Variants in NINL observed in about 807,000 individuals in gnomAD.
NINL encodes the protein ninein-like protein.
NINL carries 153 observed loss-of-function variants against 160.3 expected under a neutral mutation model. The observed-to-expected ratio is 0.95, with a 90% CI of 0.84 to 1.09. NINL has a LOEUF of 1.09. Ranked by LOEUF, NINL falls within the 50% of genes least tolerant of loss-of-function variation. The pLI is 0.00. For synonymous variants in NINL, 800 were observed against 734.8 expected (o/e 1.09, Z -1.43); for missense variants, 1,829 against 1,764.0 (o/e 1.04, Z -0.66).
chr20:25,496,521 C>G, intron 10 of NINL, 142 bp downstream of exon 10: 1 of 984,214 alleles, frequency 1.0e-6, no homozygotes, highest in Non-Finnish European at 1.5e-6. Flanking sequence ...CCCCTGGATT[C>G]CCCCTGACTC....
In NINL at chr20:25,500,072, AG is replaced by A. The variant is rs1413133805; in HGVS notation, c.1032+767del. ...GTCGCCCCCTCCAGGGAATAGGGAG[AG>A]GGGGGCAGGTAGGCTTTCTTTCTTA... On this transcript the variant is annotated intron_variant, in intron 8 of 23. Coordinates refer to ENST00000278886, the MANE Select transcript of NINL (RefSeq NM_025176.6). 2.0e-5 allele frequency among the ~76,000 whole-genome samples: 3 copies of A among 151,134 alleles called. No individual in the cohort carries two copies. The South Asian group carries it at 6.3e-4, about 32-fold the overall frequency.
At chr20:25,468,214 C>CAGGA (rs1215362461) in intron 18 of NINL, among the ~76,000 whole-genome samples, 1 of 55,814 alleles carries the variant, frequency 1.8e-5, no homozygotes, top group Non-Finnish European at 4.7e-5. Context: ...CCTGCTCTGT[C>CAGGA]CCCTGACTCT....
In NINL at chr20:25,499,068, G is replaced by A. The variant is rs953233280; in HGVS notation, c.1033-722C>T. The A allele has an allele frequency of 9.1e-6, 9 of 985,350 alleles. No homozygotes were observed. The African/African-American group carries it at 1.4e-4, about 15-fold the overall frequency. The allele number at this position is 985,350 out of a possible 1,614,324, so 61.0% of individuals were successfully genotyped here. ...TACAAACGCCCTGCTCAGGCCGGCG[G>A]CAGGCACCATGGCAGGGCGGCTGAA... On this transcript the variant is annotated intron_variant, in intron 8 of 23. Transcript: ENST00000278886.
intron 1 of NINL, among the ~76,000 whole-genome samples, chr20:25,529,993 G>A (rs1039486907): frequency 6.6e-6 from 1 of 152,200 alleles, no homozygotes; most frequent in African/African-American, 2.4e-5. Flanking sequence ...CAGCCCACCA[G>A]GGCCCAATTT....
chr20:25,580,322 A>C (rs2065159591), intron 1 of NINL, among the ~76,000 whole-genome samples: 1 of 151,404 alleles, frequency 6.6e-6, no homozygotes, highest in South Asian at 2.1e-4. Flanking sequence ...CAACAGAGTG[A>C]GACTCCACCT....
intron 1 of NINL, among the ~76,000 whole-genome samples, chr20:25,570,693 A>AATTTTTTTT (rs1423732606): frequency 1.3e-5 from 1 of 74,102 alleles, no homozygotes; most frequent in Admixed American, 1.6e-4. Flanking sequence ...GGGCAAGTAG[A>AATTTTTTTT]CTTTTTTTTT....
Position 25,470,081 on chromosome 20 carries a change from C to T in NINL, c.3263G>A (p.Arg1088Lys), listed in dbSNP as rs1462762213. The T allele has an allele frequency of 3.7e-6, 6 of 1,613,838 alleles. No individual in the cohort carries two copies. In the Admixed American group the frequency reaches 5.0e-5, roughly 13 times the overall value. The change falls in exon 18 of 24, where the codon AGA becomes AAA. Residue 1088 changes from arginine to lysine, a missense_variant. By Grantham distance (26) the Arg-to-Lys change is conservative (BLOSUM62 2). Coordinates refer to ENST00000278886, the MANE Select transcript of NINL (RefSeq NM_025176.6). ...LRENDRLEFH[R>K]LSEENTLLKN... ...CAACAAAGTGTTTTCTTCAGAAAGT[C>T]TATGGAACTCCAGTCTGCGTAAAAA...
chr20:25,516,433 G>C (rs545510909), intron 3 of NINL, among the ~76,000 whole-genome samples: 2 of 152,102 alleles, frequency 1.3e-5, no homozygotes, highest in Non-Finnish European at 2.9e-5. Flanking sequence ...CACAAGTTCC[G>C]AACAGTTTGT....
intron 14 of NINL, 67 bp downstream of exon 14, chr20:25,481,901 C>G: frequency 6.4e-7 from 1 of 1,556,274 alleles, no homozygotes; most frequent in Non-Finnish European, 8.7e-7. Context: ...ACTCTCTTTT[C>G]CTGGCTCTGG....
chr20:25,531,985 C>G (rs6132840), intron 1 of NINL, among the ~76,000 whole-genome samples: 2,025 of 152,102 alleles, frequency 0.013, 23 homozygotes, highest in Middle Eastern at 0.031. Context: ...CTTTCCCTTT[C>G]TAAACAAGAT....
chr20:25,545,798 G>A (rs2064724043), intron 1 of NINL, among the ~76,000 whole-genome samples: 1 of 152,058 alleles, frequency 6.6e-6, no homozygotes, highest in Non-Finnish European at 1.5e-5. Context: ...TGTCTCTTGT[G>A]GGGAAAATCT....
Position 25,476,827 on chromosome 20 carries a change from G to C in NINL, c.2464C>G (p.Leu822Val). ...ARGKRVDGPS[L>V]EAEMQALPKD... ...GGCAGGGCCTGCATCTCTGCTTCCA[G>C]GGAGGGCCCGTCCACTCGCTTCCCG... The change falls in exon 17 of 24, where the codon CTG (leucine) becomes GTG (valine). Residue 822 changes from leucine to valine, a missense_variant. Physicochemically the swap from Leu to Val is conservative, Grantham distance 32. Transcript: ENST00000278886. 1 of 1,613,296 alleles carries C rather than the reference G, an allele frequency of 6.2e-7. No homozygotes were observed. The highest frequency in any genetic ancestry group is 8.5e-7 in the Non-Finnish European group (1 of 1,179,944).
chr20:25,477,140 C>T (rs1376400342), intron 16 of NINL, 51 bp from the exon 17 acceptor site: 19 of 1,486,792 alleles, frequency 1.3e-5, no homozygotes, highest in Non-Finnish European at 1.7e-5. Flanking sequence ...CCCAGCCCCT[C>T]TCTCGGGTTT....
chr20:25,517,854 G>A lies in NINL; in HGVS notation c.181-5C>T. On this transcript the variant is annotated splice_polypyrimidine_tract_variant and splice_region_variant and intron_variant, in intron 2 of 23. Transcript: ENST00000278886. ...CTTAAATTCCTCAAAGTTAACCTGG[G>A]TGAATTGAAGGTGAGAGAGGACAAT... The A allele has an allele frequency of 1.9e-6, 3 of 1,586,450 alleles. No homozygotes were observed. Among genetic ancestry groups the A allele is most frequent in the Non-Finnish European group, 2.6e-6 (3 of 1,166,992 alleles).
chr20:25,490,006 G>T, intron 11 of NINL, 21 bp from the exon 12 acceptor site: 1 of 1,593,594 alleles, frequency 6.3e-7, no homozygotes, highest in Non-Finnish European at 8.6e-7. Flanking sequence ...CAGGCCAGTG[G>T]CTCATCAGGC....
At chr20:25,464,397 A>G (rs1291955450) in intron 19 of NINL, among the ~76,000 whole-genome samples, 1 of 151,806 alleles carries the variant, frequency 6.6e-6, no homozygotes, top group Non-Finnish European at 1.5e-5. Flanking sequence ...AGCCAGAGTG[A>G]CAGAACAAGA....
intron 1 of NINL, among the ~76,000 whole-genome samples, chr20:25,530,167 A>G (rs1183354206): frequency 6.6e-6 from 1 of 152,256 alleles, no homozygotes; most frequent in Non-Finnish European, 1.5e-5. Context: ...GCTTCCCAGA[A>G]GAATCACTGC....
intron 1 of NINL, among the ~76,000 whole-genome samples, chr20:25,568,652 C>A (rs916782802): frequency 4.6e-5 from 7 of 151,700 alleles, no homozygotes; most frequent in African/African-American, 1.7e-4. Flanking sequence ...CTCGAGTGAT[C>A]CTGCCACCTC....
At chr20:25,561,915 C>T (rs1406708247) in intron 1 of NINL, among the ~76,000 whole-genome samples, 5 of 151,084 alleles carry the variant, frequency 3.3e-5, no homozygotes, top group Middle Eastern at 3.5e-3. Context: ...GGTCAGCCCC[C>T]GCCAGGCCAG....
Sources: allele counts gnomAD v4.1 joint callset (sites outside exome capture counted in the v4.1 genomes callset), GRCh38; gene constraint gnomAD v4.1.1; transcripts MANE v1.5; gene names NCBI Gene and HGNC (gene_info 2026-07-23, HGNC 2026-07-21).